The following MUC5AC variants were observed in gnomAD, a reference collection of about 807,000 sequenced individuals.
The protein encoded by MUC5AC is mucin-5AC.
Under a neutral mutation model 169.7 loss-of-function variants are expected in MUC5AC, and 158 were observed. The observed-to-expected ratio is 0.93, with a 90% CI of 0.82 to 1.06. The LOEUF (loss-of-function observed/expected upper bound fraction) is 1.06. MUC5AC is among the 50% of genes least tolerant of loss of function. MUC5AC has a pLI of 0.00. For missense variants in MUC5AC, 4,359 were observed against 3,089.9 expected, an observed-to-expected ratio of 1.41 and a Z score of -9.74; for synonymous variants, 1,975 against 1,237.0, an observed-to-expected ratio of 1.60 and a Z score of -12.52.
At chr11:1,200,278 G>A (rs952819659) in intron 48 of MUC5AC, among the ~76,000 whole-genome samples, 160 bp from the exon 49 acceptor site, 3 of 152,216 alleles carry the variant, frequency 2.0e-5, no homozygotes, top group East Asian at 1.9e-4. Flanking sequence ...GACTGTTGGC[G>A]CCTGGGGAAC....
At position 1,183,283 on chromosome 11, in the gene MUC5AC, C is replaced by G. The variant is rs1401861146; in HGVS notation, c.5138C>G (p.Ser1713Cys). Residue 1713 changes from serine to cysteine, a missense_variant, in exon 31 of 49, where the codon TCC (serine) becomes TGC (cysteine). Transcript: ENST00000621226. Reference sequence around the variant, plus strand: ...TTCACCACACACATGCCCTCGGCCTCCACAGAGCAACCCACGGCAACCTCC... The same window carrying G: ...TTCACCACACACATGCCCTCGGCCTGCACAGAGCAACCCACGGCAACCTCC... ...TTFTTHMPSA[S>C]TEQPTATSRG... The G allele has an allele frequency of 3.5e-5, 15 of 429,430 alleles. No homozygotes were observed. Among genetic ancestry groups the G allele is most frequent in the Non-Finnish European group, 5.8e-5 (15 of 257,194 alleles). The allele number at this position is 429,430 out of a possible 1,614,324, so 26.6% of individuals were successfully genotyped here.
intron 36 of MUC5AC, among the ~76,000 whole-genome samples, chr11:1,195,513 G>C (rs1744012168): frequency 6.6e-6 from 1 of 152,122 alleles, no homozygotes; most frequent in Non-Finnish European, 1.5e-5. Flanking sequence ...ATGCTGCCAA[G>C]GGGTCACCAG....
intron 15 of MUC5AC, among the ~76,000 whole-genome samples, chr11:1,169,574 C>T (rs1241471391): frequency 7.0e-6 from 1 of 143,612 alleles, no homozygotes; most frequent in Non-Finnish European, 1.5e-5. Context: ...ATTCACTCAC[C>T]CATTCGCCCA....
At chr11:1,179,472 G>A (rs1222487103) in intron 26 of MUC5AC, among the ~76,000 whole-genome samples, 1 of 150,924 alleles carries the variant, frequency 6.6e-6, no homozygotes, top group Non-Finnish European at 1.5e-5. Flanking sequence ...CTAGAGAGGA[G>A]GGCGTGGCTG....
At chr11:1,195,540 C>G (rs574637567) in intron 36 of MUC5AC, among the ~76,000 whole-genome samples, 1 of 151,886 alleles carries the variant, frequency 6.6e-6, no homozygotes, top group Non-Finnish European at 1.5e-5. Context: ...CCGGCTGGGC[C>G]GTCTCTGAGG....
chr11:1,198,234 C>G (rs1307621168), intron 42 of MUC5AC, 34 bp from the exon 43 acceptor site: 1 of 737,250 alleles, frequency 1.4e-6, no homozygotes. Context: ...GAGTGGGCGG[C>G]GGGGGGTGCA....
At chr11:1,165,501 T>A (rs28542750) in intron 10 of MUC5AC, 82 bp downstream of exon 10, 294,507 of 1,576,830 alleles carry the variant, frequency 0.19, 29,870 homozygotes, top group Non-Finnish European at 0.21. Flanking sequence ...GCCGGCAGGC[T>A]CCCTCGTCTG....
intron 5 of MUC5AC, 108 bp from the exon 6 acceptor site, chr11:1,162,847 G>A (rs528543338): frequency 2.2e-5 from 25 of 1,162,354 alleles, no homozygotes; most frequent in Admixed American, 1.6e-4. Context: ...TGCTTTCGGG[G>A]GTGTCTCTTC....
Position 1,172,412 on chromosome 11 carries a change from C to T in MUC5AC, c.1871-17C>T, listed in dbSNP as rs907757024. On this transcript the variant is annotated splice_polypyrimidine_tract_variant and intron_variant, in intron 15 of 48. Transcript: ENST00000621226. ...TGCCTGATCTTAATCCTAACCCTAT[C>T]CCTCCTCTGTCCACAGAGAAGTATG... 109 of 398,676 alleles carry T rather than the reference C, an allele frequency of 2.7e-4. No individual in the cohort carries two copies. Among genetic ancestry groups the T allele is most frequent in the African/African-American group, 2.1e-3 (103 of 48,766 alleles). The allele number at this position is 398,676 out of a possible 1,614,324, so 24.7% of individuals were successfully genotyped here. A position where few individuals can be genotyped will look rare whatever the true frequency, so the allele number is the denominator to read the frequency against.
At chr11:1,164,672 CGCTGAGGCTG>C in intron 9 of MUC5AC, 140 bp downstream of exon 9, 2 of 1,266,058 alleles carry the variant, frequency 1.6e-6, no homozygotes, top group Non-Finnish European at 2.1e-6. Context: ...TGTCCTGGGC[CGCTGAGGCTG>C]GCTGAGGATC....
intron 12 of MUC5AC, 46 bp downstream of exon 12, chr11:1,168,033 C>T (rs1056932814): frequency 6.8e-7 from 1 of 1,475,236 alleles, no homozygotes; most frequent in African/African-American, 1.4e-5. Context: ...GGGAAGGGGC[C>T]TGTCTCTTCT....
In MUC5AC at chr11:1,195,187, CGGGCCCACCACAGTTGGGTCTACCACG is replaced by C. The variant is rs769768817; in HGVS notation, c.15368_15394del (p.Gly5123_Thr5131del). ...CCACCACAGTTGGGTCTACCACGGT[CGGGCCCACCACAGTTGGGTCTACCACG>C]GTCGGGCCCACCACACCGCCTGCTC... On this transcript the variant is annotated inframe_deletion, in exon 36 of 49. Transcript: ENST00000621226. The C allele has an allele frequency of 2.7e-4, 204 of 764,710 alleles. No homozygotes were observed. Among genetic ancestry groups the C allele is most frequent in the East Asian group, 1.6e-3 (64 of 41,226 alleles). 47.4% of individuals were successfully genotyped at this position (764,710 alleles called of 1,614,324 possible). A position where few individuals can be genotyped will look rare whatever the true frequency, so the allele number is the denominator to read the frequency against.
At position 1,186,835 on chromosome 11, in the gene MUC5AC, C is replaced by T. The variant is rs1361700833; in HGVS notation, c.8690C>T (p.Thr2897Ile). The change falls in exon 31 of 49, where the codon ACA becomes ATA. Residue 2897 changes from threonine (T) to isoleucine (I), a missense_variant. By Grantham distance (89) the Thr-to-Ile change is moderately conservative. Coordinates refer to ENST00000621226, the MANE Select transcript of MUC5AC (RefSeq NM_001304359.2). ...ACCACCAGTACAACCTCTGCTCCTA[C>T]AACCAGAACAACCTCTGCTCCTACA... ...VPTTSTTSAPTTRTTSAPTTS... is the reference protein window; with the variant it reads ...VPTTSTTSAPITRTTSAPTTS... 2 of 709,926 alleles carry T rather than the reference C, an allele frequency of 2.8e-6. No individual in the cohort carries two copies. Among genetic ancestry groups the T allele is most frequent in the Admixed American group, 1.9e-5 (1 of 52,994 alleles). The allele number at this position is 709,926 out of a possible 1,614,324, so 44.0% of individuals were successfully genotyped here.
rs1027430215 is a variant in MUC5AC, at chr11:1,182,199, C to T, written c.4054C>T (p.His1352Tyr). 3.5e-5 allele frequency: 14 copies of T among 398,638 alleles called. No homozygotes were observed. The highest frequency in any genetic ancestry group is 1.9e-4 in the African/African-American group (9 of 48,646). The allele number at this position is 398,638 out of a possible 1,614,324, so 24.7% of individuals were successfully genotyped here. Residue 1352 changes from histidine to tyrosine, a missense_variant, in exon 31 of 49, where the codon CAC becomes TAC. His to Tyr is a moderately conservative substitution (Grantham distance 83). Coordinates refer to ENST00000621226, the MANE Select transcript of MUC5AC (RefSeq NM_001304359.2). ...CCCCAGCAATGGCCCAAGCAGCGCG[C>T]ACACAGGCCCTCCGAGCAGCGCCTG... ...HTPSNGPSSA[H>Y]TGPPSSAWPT... is the part of the protein sequence containing the mutation.
chr11:1,165,223 G>A, intron 9 of MUC5AC, 79 bp from the exon 10 acceptor site: 5 of 1,363,066 alleles, frequency 3.7e-6, no homozygotes, highest in South Asian at 1.3e-5. Context: ...CTCGCTGTGG[G>A]GCCGCCATGT....
At chr11:1,175,174 G>A (rs1860641634) in intron 18 of MUC5AC, 37 bp downstream of exon 18, 3 of 398,556 alleles carry the variant, frequency 7.5e-6, no homozygotes, top group African/African-American at 2.1e-5. Context: ...GGTCCCTCGT[G>A]TCTCCTGGCC....
In MUC5AC at chr11:1,189,146, T is replaced by C. The variant is rs1179608914; in HGVS notation, c.11001T>C (p.Thr3667=). Residue 3667 remains threonine, a synonymous_variant, in exon 31 of 49, where the codon ACT becomes ACC. Transcript: ENST00000621226. The stretch of plus-strand genomic sequence containing the variant: ...TGGTGACAAGCAGCATAACCTCCAC[T>C]ACACAGACCAGCACAACCTCTGCCC... ...TTLVTSSITS[T]TQTSTTSAPT... The C allele has an allele frequency of 4.5e-5, 27 of 601,132 alleles. No homozygotes were observed. Among genetic ancestry groups the C allele is most frequent in the East Asian group, 1.1e-4 (4 of 36,556 alleles). The allele number at this position is 601,132 out of a possible 1,614,324, so 37.2% of individuals were successfully genotyped here.
chr11:1,191,403 G>T lies in MUC5AC; in HGVS notation c.13258G>T (p.Ala4420Ser), dbSNP rs1223191480. The part of the protein sequence containing the change: ...SPVPTTSTTS[A>S]PTTRTTPAST... ...TGTTCCCACCACCAGCACAACCTCTGCTCCTACAACCAGAACAACCCCTGC... is the reference window on the plus strand; with the variant it reads ...TGTTCCCACCACCAGCACAACCTCTTCTCCTACAACCAGAACAACCCCTGC... The change falls in exon 31 of 49, where the codon GCT (alanine) becomes TCT (serine). Residue 4420 changes from alanine (A) to serine (S), a missense_variant. Physicochemically the swap from Ala to Ser is moderately conservative, Grantham distance 99. Transcript: ENST00000621226. 9.5e-6 allele frequency: 7 copies of T among 736,242 alleles called. No homozygotes were observed. In the East Asian group the frequency reaches 1.7e-4, roughly 18 times the overall value. 45.6% of individuals were successfully genotyped at this position (736,242 alleles called of 1,614,324 possible).
intron 15 of MUC5AC, among the ~76,000 whole-genome samples, chr11:1,170,645 C>A (rs1158023501): frequency 7.7e-6 from 1 of 130,304 alleles, no homozygotes; most frequent in African/African-American, 3.0e-5. Flanking sequence ...ACCCATTCAC[C>A]CATTCACCCA....
Sources: allele counts gnomAD v4.1 joint callset (sites outside exome capture counted in the v4.1 genomes callset), GRCh38; gene constraint gnomAD v4.1.1; transcripts MANE v1.5; gene names NCBI Gene and HGNC (gene_info 2026-07-23, HGNC 2026-07-21).